The following AKAP1 variants were observed in gnomAD, a reference collection of about 807,000 sequenced individuals.
AKAP1 encodes the protein A-kinase anchoring protein 1.
In AKAP1, 32 loss-of-function variants were observed where a neutral mutation model predicts 79.8. The ratio of observed to expected loss-of-function variants is 0.40; its 90% confidence interval spans 0.30 to 0.54. The LOEUF is 0.54. AKAP1 is among the 20% of genes least tolerant of loss of function. AKAP1 has a pLI of 0.47. For missense variants in AKAP1, 961 were observed against 1,138.9 expected, an observed-to-expected ratio of 0.84 and a Z score of 2.25; for synonymous variants, 416 against 466.7, an observed-to-expected ratio of 0.89 and a Z score of 1.40.
chr17:57,100,613 G>C (rs914452988), intron 1 of AKAP1, among the ~76,000 whole-genome samples: 1 of 152,110 alleles, frequency 6.6e-6, no homozygotes, highest in Non-Finnish European at 1.5e-5. Context: ...GCAAGACTCT[G>C]TCTTAAATAA....
At position 57,107,152 on chromosome 17, in the gene AKAP1, T is replaced by C; in HGVS notation, c.1688T>C (p.Met563Thr). The change falls in exon 2 of 11, where the codon ATG becomes ACG. Residue 563 changes from methionine to threonine, a missense_variant. Physicochemically the swap from Met to Thr is moderately conservative, Grantham distance 81. This residue lies in a region of AKAP1 where 629 missense variants were observed against 781.1 expected (regional missense o/e 0.81). Transcript: ENST00000337714. ...SDLGAEDGWT[M>T]DAEADHSGGS... ...TTGGGGGCTGAGGATGGATGGACCA[T>C]GGATGCGGAAGCAGATCATTCAGGA... 2 of 1,611,004 alleles carry C rather than the reference T, an allele frequency of 1.2e-6. No individual in the cohort carries two copies. The highest frequency in any genetic ancestry group is 1.7e-6 in the Non-Finnish European group (2 of 1,177,780).
rs1403670724 is a variant in AKAP1 at position 57,106,254 on chromosome 17, G to C, written c.790G>C (p.Ala264Pro). 3 of 1,614,084 alleles carry C rather than the reference G, an allele frequency of 1.9e-6. No homozygotes were observed. In the African/African-American group the frequency reaches 4.0e-5, roughly 22 times the overall value. Residue 264 changes from alanine (A) to proline (P), a missense_variant, in exon 2 of 11, where the codon GCA becomes CCA. Transcript: ENST00000337714. ...VGPVQEEEYVAEKLPSRFIES... is the reference protein window; with the variant it reads ...VGPVQEEEYVPEKLPSRFIES... Reference sequence around the variant, plus strand: ...GCCAGTGCAGGAGGAAGAGTATGTAGCAGAGAAGTTGCCAAGTAGGTTCAT... The same window carrying C: ...GCCAGTGCAGGAGGAAGAGTATGTACCAGAGAAGTTGCCAAGTAGGTTCAT...
In AKAP1 at chr17:57,105,893, T is replaced by C. The variant is rs756332255; in HGVS notation, c.429T>C (p.Ile143=). The C allele has an allele frequency of 3.1e-6, 5 of 1,614,240 alleles. No homozygotes were observed. The South Asian group carries it at 5.5e-5, about 18-fold the overall frequency. The part of the protein sequence containing the change: ...LALTGGEAKS[I]PLECPLSSPK... Reference sequence around the variant, plus strand: ...TGACAGGTGGTGAAGCCAAATCGATTCCTCTAGAGTGCCCCCTTTCATCCC... The same window carrying C: ...TGACAGGTGGTGAAGCCAAATCGATCCCTCTAGAGTGCCCCCTTTCATCCC... The change falls in exon 2 of 11, where the codon ATT becomes ATC. Residue 143 remains isoleucine, a synonymous_variant. Transcript: ENST00000337714.
intron 2 of AKAP1, among the ~76,000 whole-genome samples, chr17:57,109,630 G>T (rs1915109825): frequency 6.6e-6 from 1 of 152,158 alleles, no homozygotes; most frequent in African/African-American, 2.4e-5. Flanking sequence ...GGGTGTCAAG[G>T]TGTTTGTGGT....
chr17:57,109,995 T>C (rs371593309), intron 2 of AKAP1, 30 bp from the exon 3 acceptor site: 41 of 1,611,604 alleles, frequency 2.5e-5, no homozygotes, highest in Non-Finnish European at 3.3e-5. Context: ...GGTCTGTGTG[T>C]GTGCGTGCCT....
intron 8 of AKAP1, 105 bp downstream of exon 8, chr17:57,117,032 G>A: frequency 8.4e-7 from 1 of 1,193,086 alleles, no homozygotes; most frequent in Non-Finnish European, 1.2e-6. Context: ...GCTAACATAA[G>A]TTGCTACCAC....
At chr17:57,112,705 G>A in intron 5 of AKAP1, 87 bp downstream of exon 5, 3 of 1,514,456 alleles carry the variant, frequency 2.0e-6, no homozygotes, top group African/African-American at 1.4e-5. Flanking sequence ...CTCAGGCTAA[G>A]AAGGCCAAGT....
At chr17:57,090,630 T>TCG (rs1431921855) in intron 1 of AKAP1, among the ~76,000 whole-genome samples, 6 of 152,240 alleles carry the variant, frequency 3.9e-5, no homozygotes, top group African/African-American at 1.4e-4. Flanking sequence ...GTGTTCAGCC[T>TCG]CGTTACAACT....
At position 57,106,753 on chromosome 17, in the gene AKAP1, C is replaced by A. The variant is rs534373269; in HGVS notation, c.1289C>A (p.Pro430Gln). ...PLPGLPAEGS[P>Q]PPKTYVSCLK... Reference sequence around the variant, plus strand: ...CCAGGCCTACCAGCAGAGGGCTCACCACCACCAAAGACCTACGTGAGCTGC... The same window carrying A: ...CCAGGCCTACCAGCAGAGGGCTCACAACCACCAAAGACCTACGTGAGCTGC... Residue 430 changes from proline (P) to glutamine (Q), a missense_variant, in exon 2 of 11, where the codon CCA (proline) becomes CAA (glutamine). By Grantham distance (76) the Pro-to-Gln change is moderately conservative. Coordinates refer to ENST00000337714, the MANE Select transcript of AKAP1 (RefSeq NM_003488.4). 48 of 1,614,000 alleles carry A rather than the reference C, an allele frequency of 3.0e-5. No homozygotes were observed. The South Asian group carries it at 4.7e-4, about 16-fold the overall frequency.
chr17:57,092,802 G>A (rs1913860286), intron 1 of AKAP1: 2 of 152,248 alleles, frequency 1.3e-5, no homozygotes, highest in South Asian at 4.1e-4. Flanking sequence ...GAGTCCGACT[G>A]GCCTTCCGCG....
intron 8 of AKAP1, 121 bp downstream of exon 8, chr17:57,117,048 A>T: frequency 9.7e-7 from 1 of 1,034,912 alleles, no homozygotes; most frequent in Non-Finnish European, 1.5e-6. Flanking sequence ...ACCACTCAAG[A>T]GTTTCTGACT....
intron 9 of AKAP1, among the ~76,000 whole-genome samples, 195 bp downstream of exon 9, chr17:57,118,649 A>G (rs1915735698): frequency 6.6e-6 from 1 of 152,174 alleles, no homozygotes; most frequent in Admixed American, 6.5e-5. Flanking sequence ...ATAATCTATA[A>G]AGGAAAGAGG....
At position 57,086,549 on chromosome 17, in the gene AKAP1, G is replaced by A. The variant is rs1265852891; in HGVS notation, c.-25+1151G>A. The A allele has an allele frequency of 2.3e-6, 1 of 429,228 alleles. No individual in the cohort carries two copies. Among genetic ancestry groups the A allele is most frequent in the Non-Finnish European group, 4.6e-6 (1 of 215,418 alleles). 26.6% of individuals were successfully genotyped at this position (429,228 alleles called of 1,614,324 possible). On this transcript the variant is annotated intron_variant, in intron 1 of 10. Coordinates refer to ENST00000337714, the MANE Select transcript of AKAP1 (RefSeq NM_003488.4). The surrounding 1 kb of genome is among the most constrained non-coding windows in gnomAD (Gnocchi z 5.1). The stretch of plus-strand genomic sequence containing the variant: ...GGACTTCGCTCCAGGTGCGAGTCGA[G>A]GCCTCTCAAGCTGGGTAGGGTGTAT...
intron 1 of AKAP1, among the ~76,000 whole-genome samples, chr17:57,097,902 T>C: frequency 6.6e-6 from 1 of 152,248 alleles, no homozygotes; most frequent in East Asian, 1.9e-4. Flanking sequence ...GACTTTCCCA[T>C]CAGTTACATG....
chr17:57,119,482 G>A (rs1021238870), intron 10 of AKAP1, among the ~76,000 whole-genome samples: 2 of 152,116 alleles, frequency 1.3e-5, no homozygotes, highest in Non-Finnish European at 2.9e-5. Flanking sequence ...GGGAGGCCGA[G>A]ACGGGCAGAT....
Position 57,086,697 on chromosome 17 carries a change from AG to A in AKAP1, c.-25+1300del. Among the ~76,000 whole-genome samples the A allele has an allele frequency of 1.3e-5, 2 of 152,326 alleles. No homozygotes were observed. The highest frequency in any genetic ancestry group is 4.1e-4 in the South Asian group (2 of 4,832). On this transcript the variant is annotated intron_variant, in intron 1 of 10. Transcript: ENST00000337714. The surrounding 1 kb of genome is among the most constrained non-coding windows in gnomAD (Gnocchi z 5.1). ...TGGACCTGGTGCAACAGTATCTGTT[AG>A]TTACTGATCAAGGAACACCGTTCAC...
chr17:57,113,481 A>G (rs938040141), intron 5 of AKAP1, among the ~76,000 whole-genome samples: 25 of 151,764 alleles, frequency 1.6e-4, no homozygotes, highest in Non-Finnish European at 5.9e-5. Context: ...CTGGAGGGAA[A>G]GGATTGGGAT....
At chr17:57,114,391 C>G (rs1915447047) in intron 5 of AKAP1, 68 bp from the exon 6 acceptor site, 1 of 1,569,372 alleles carries the variant, frequency 6.4e-7, no homozygotes, top group African/African-American at 1.3e-5. Context: ...GCCCTTGGGT[C>G]TCGGGACTTA....
chr17:57,104,306 G>T (rs762983172), intron 1 of AKAP1, among the ~76,000 whole-genome samples: 21 of 152,138 alleles, frequency 1.4e-4, no homozygotes, highest in Non-Finnish European at 1.8e-4. Context: ...TTGCCTTCTA[G>T]AAACAATTTG....
Sources: gnomAD v4.1 joint callset for allele counts (sites outside exome capture counted in the v4.1 genomes callset) on GRCh38, gnomAD v4.1.1 for gene constraint, gnomAD v4.1.1 regional missense constraint, Gnocchi (gnomAD v3.1) non-coding constraint, MANE v1.5 for transcripts, NCBI Gene and HGNC (gene_info 2026-07-23, HGNC 2026-07-21) for gene names.